PRCP: variants seen among roughly 807,000 people sequenced by gnomAD.
PRCP encodes the protein lysosomal Pro-X carboxypeptidase.
A neutral mutation model predicts 54.2 loss-of-function variants in PRCP; 46 were observed. The ratio of observed to expected loss-of-function variants is 0.85; its 90% CI spans 0.67 to 1.09. The LOEUF (loss-of-function observed/expected upper bound fraction) is 1.09. PRCP is among the 50% of genes least tolerant of loss of function. The pLI is 0.00. For synonymous variants in PRCP, 240 were observed against 212.2 expected (o/e 1.13, Z -1.14); for missense variants, 613 against 596.8 (o/e 1.03, Z -0.28).
chr11:82,875,243 G>A (rs1319706576), intron 1 of PRCP, among the ~76,000 whole-genome samples: 3 of 152,186 alleles, frequency 2.0e-5, no homozygotes, highest in Non-Finnish European at 4.4e-5. Flanking sequence ...TCCACAAAGT[G>A]CAAAACACAA....
chr11:82,887,003 G>GTCA (rs905063951), intron 1 of PRCP, among the ~76,000 whole-genome samples: 58 of 152,256 alleles, frequency 3.8e-4, no homozygotes, highest in African/African-American at 1.3e-3. Flanking sequence ...CACCTCCAAG[G>GTCA]TCATCATCTT....
At chr11:82,836,845 G>T in intron 8 of PRCP, 2 of 365,152 alleles carry the variant, frequency 5.5e-6, no homozygotes, top group Admixed American at 3.0e-5. Context: ...ACTGCATCCA[G>T]CCTCCTTGCA....
intron 1 of PRCP, among the ~76,000 whole-genome samples, chr11:82,869,297 A>G (rs1175699670): frequency 1.3e-5 from 2 of 149,982 alleles, no homozygotes; most frequent in African/African-American, 4.9e-5. Flanking sequence ...TCAAGGTTAC[A>G]GTGAACTATG....
intron 1 of PRCP, 51 bp from the exon 2 acceptor site, chr11:82,860,168 G>T: frequency 7.8e-7 from 1 of 1,287,224 alleles, no homozygotes; most frequent in Non-Finnish European, 1.0e-6. Context: ...AATAAAATGA[G>T]ATCAACATAA....
chr11:82,884,901 G>C, intron 1 of PRCP: 2 of 1,611,950 alleles, frequency 1.2e-6, no homozygotes, highest in Non-Finnish European at 1.7e-6. Flanking sequence ...GGAAGTAAAG[G>C]CTTGATTTAT....
chr11:82,859,811 C>T (rs1859166882), intron 2 of PRCP, among the ~76,000 whole-genome samples, 166 bp downstream of exon 2: 1 of 152,008 alleles, frequency 6.6e-6, no homozygotes, highest in South Asian at 2.1e-4. Flanking sequence ...TATTCATGTG[C>T]TTTTGCTATT....
At chr11:82,857,837 C>T (rs2121169610) in intron 2 of PRCP, among the ~76,000 whole-genome samples, 1 of 152,324 alleles carries the variant, frequency 6.6e-6, no homozygotes, top group East Asian at 1.9e-4. Flanking sequence ...CATTTATCTA[C>T]AGATCTTGCA....
intron 1 of PRCP, among the ~76,000 whole-genome samples, chr11:82,899,000 T>A (rs560206224): frequency 7.9e-5 from 12 of 151,762 alleles, no homozygotes; most frequent in East Asian, 3.9e-4. Flanking sequence ...ATAAAAAAAT[T>A]TTTAAATTAT....
chr11:82,848,844 T>A (rs1007642705), intron 6 of PRCP, among the ~76,000 whole-genome samples: 4 of 152,130 alleles, frequency 2.6e-5, no homozygotes, highest in African/African-American at 9.7e-5. Context: ...ATTTTTCAAA[T>A]GAGGAAACTG....
At chr11:82,859,809 T>C (rs936904431) in intron 2 of PRCP, among the ~76,000 whole-genome samples, 168 bp downstream of exon 2, 11 of 152,184 alleles carry the variant, frequency 7.2e-5, no homozygotes, top group Admixed American at 4.6e-4. Context: ...CCTATTCATG[T>C]GCTTTTGCTA....
At chr11:82,850,985 G>C (rs1003650219) in intron 3 of PRCP, among the ~76,000 whole-genome samples, 1 of 151,900 alleles carries the variant, frequency 6.6e-6, no homozygotes, top group African/African-American at 2.4e-5. Context: ...AAACAAAGTA[G>C]CCTGCCTATT....
chr11:82,887,128 TC>T (rs1859878810), intron 1 of PRCP, among the ~76,000 whole-genome samples: 1 of 152,224 alleles, frequency 6.6e-6, no homozygotes. Flanking sequence ...GAAATCTTTA[TC>T]ATCTCCCTTC....
At chr11:82,866,298 C>T (rs1859333422) in intron 1 of PRCP, among the ~76,000 whole-genome samples, 1 of 152,184 alleles carries the variant, frequency 6.6e-6, no homozygotes, top group Non-Finnish European at 1.5e-5. Context: ...TACTGTCCTC[C>T]CTTCCCACGA....
At chr11:82,842,016 A>G (rs1469512500) in intron 6 of PRCP, among the ~76,000 whole-genome samples, 1 of 152,184 alleles carries the variant, frequency 6.6e-6, no homozygotes, top group Non-Finnish European at 1.5e-5. Flanking sequence ...CAAGGACAGC[A>G]TGGTAGATGG....
intron 8 of PRCP, 94 bp downstream of exon 8, chr11:82,838,293 G>A (rs781305040): frequency 3.3e-4 from 393 of 1,192,940 alleles, no homozygotes; most frequent in Non-Finnish European, 4.2e-4. Context: ...ATTCTATGTT[G>A]TTATATTGTC....
At chr11:82,832,722 T>C (rs560996036) in intron 8 of PRCP, among the ~76,000 whole-genome samples, 63 of 152,366 alleles carry the variant, frequency 4.1e-4, no homozygotes, top group African/African-American at 1.4e-3. Context: ...ATCCCATTTG[T>C]CAATTTTGGC....
rs150424357 is a variant in PRCP, at chr11:82,900,263, T to A, written c.140A>T (p.Asn47Ile). The change falls in exon 1 of 9, where the codon AAC becomes ATC. Residue 47 changes from asparagine (N) to isoleucine (I), a missense_variant. Coordinates refer to ENST00000313010, the MANE Select transcript of PRCP (RefSeq NM_005040.4). ...NPTSLPAVAK[N>I]YSVLYFQQKV... ...CTGTTGGAAGTAGAGAACCGAATAG[T>A]TCTTGGCTACAGCCGGGAGGGATGT... The A allele has an allele frequency of 4.3e-6, 7 of 1,614,222 alleles. No individual in the cohort carries two copies. Among genetic ancestry groups the A allele is most frequent in the Middle Eastern group, 3.3e-4 (2 of 6,062 alleles).
rs36024787 is a variant in PRCP, at chr11:82,869,355, C to CAA, written c.169-9240_169-9239dup. On this transcript the variant is annotated intron_variant, in intron 1 of 8. Transcript: ENST00000313010. ...TGGGCGACAGAGTGAGACTCCATCT[C>CAA]AAAAAAAAAAAAAAAGAAGAAGAAA... is the stretch of plus-strand genomic sequence containing the variant. Among the ~76,000 whole-genome samples the CAA allele has an allele frequency of 5.6e-3, 449 of 80,372 alleles. 1 individual carries two copies. Among genetic ancestry groups the CAA allele is most frequent in the African/African-American group, 0.02 (372 of 18,782 alleles). The allele number at this position is 80,372 out of a possible 152,430, so 52.7% of individuals were successfully genotyped here.
At position 82,838,720 on chromosome 11, in the gene PRCP, T is replaced by C. The variant is rs949034236; in HGVS notation, c.1087-146A>G. On this transcript the variant is annotated intron_variant, in intron 7 of 8. Coordinates refer to ENST00000313010, the MANE Select transcript of PRCP (RefSeq NM_005040.4). ...GCTTCAACGCCCTGTTCTTTACTTC[T>C]GCGCCATATAATCTCTCATTATTCT... 24 of 690,102 alleles carry C rather than the reference T, an allele frequency of 3.5e-5. No homozygotes were observed. The African/African-American group carries it at 4.0e-4, about 12-fold the overall frequency. 42.7% of individuals were successfully genotyped at this position (690,102 alleles called of 1,614,324 possible).
Sources: gnomAD v4.1 joint callset for allele counts (sites outside exome capture counted in the v4.1 genomes callset) on GRCh38, gnomAD v4.1.1 for gene constraint, MANE v1.5 for transcripts, NCBI Gene and HGNC (gene_info 2026-07-23, HGNC 2026-07-21) for gene names.